The following FNDC3B variants were observed in gnomAD, a reference collection of about 807,000 sequenced individuals.
FNDC3B encodes fibronectin type III domain containing 3B.
FNDC3B carries 12 observed loss-of-function variants against 151.5 expected under a neutral mutation model. The ratio of observed to expected loss-of-function variants is 0.08; its 90% CI spans 0.05 to 0.13. The LOEUF (loss-of-function observed/expected upper bound fraction) is 0.13, where lower values mean the gene tolerates loss of function less well. Among genes scored for constraint, FNDC3B ranks in the 10% least tolerant of loss-of-function variants. FNDC3B has a pLI of 1.00. For synonymous variants in FNDC3B, 528 were observed against 549.0 expected (o/e 0.96, Z 0.54); for missense variants, 1,214 against 1,505.3 (o/e 0.81, Z 3.20).
chr3:172,143,378 C>G (rs1721726227), intron 3 of FNDC3B, among the ~76,000 whole-genome samples: 1 of 152,012 alleles, frequency 6.6e-6, no homozygotes, highest in African/African-American at 2.4e-5. Context: ...CTTTTAATAA[C>G]TTTATTTTGG....
intron 3 of FNDC3B, among the ~76,000 whole-genome samples, chr3:172,138,963 C>T (rs1448050754): frequency 6.6e-6 from 1 of 152,190 alleles, no homozygotes; most frequent in Admixed American, 6.5e-5. Flanking sequence ...CTCCCCCTGC[C>T]TCAGTGAGTG....
At chr3:172,357,805 G>A (rs1399645875) in intron 22 of FNDC3B, among the ~76,000 whole-genome samples, 1 of 151,826 alleles carries the variant, frequency 6.6e-6, no homozygotes, top group East Asian at 1.9e-4. Context: ...TGCATCAGCT[G>A]TACACGTAAA....
At chr3:172,206,782 C>A (rs768389560) in intron 3 of FNDC3B, among the ~76,000 whole-genome samples, 4 of 151,184 alleles carry the variant, frequency 2.6e-5, no homozygotes, top group Non-Finnish European at 5.9e-5. Context: ...TGTATAAACA[C>A]CGACTGACTG....
At chr3:172,267,877 G>C (rs1477878030) in intron 6 of FNDC3B, among the ~76,000 whole-genome samples, 4 of 152,184 alleles carry the variant, frequency 2.6e-5, no homozygotes, top group African/African-American at 9.7e-5. Flanking sequence ...TGTTATAATA[G>C]ATTGATTAGA....
At chr3:172,384,939 A>G (rs9870218) in intron 25 of FNDC3B, among the ~76,000 whole-genome samples, 22,212 of 152,234 alleles carry the variant, frequency 0.15, 2,566 homozygotes, top group East Asian at 0.61. Flanking sequence ...ACAGTACTGC[A>G]CGGCAGGCTC....
At chr3:172,143,170 G>A (rs1345750265) in intron 3 of FNDC3B, among the ~76,000 whole-genome samples, 1 of 152,048 alleles carries the variant, frequency 6.6e-6, no homozygotes, top group Non-Finnish European at 1.5e-5. Flanking sequence ...AATTCTCTTA[G>A]GTAATTTAGA....
intron 9 of FNDC3B, among the ~76,000 whole-genome samples, chr3:172,299,621 C>CTT (rs35874144): frequency 6.7e-6 from 1 of 149,470 alleles, no homozygotes; most frequent in African/African-American, 2.5e-5. Flanking sequence ...CATTGTTTCC[C>CTT]TTTTTTTTTT....
rs1185197330 is a variant in FNDC3B, at chr3:172,273,282, ACTTGCTT to A, written c.791-12640_791-12634del. The stretch of plus-strand genomic sequence containing the variant: ...GTAATTGCAACTAGACAATATAACT[ACTTGCTT>A]CTTAAAGAAATGCTTGATTCCATCA... On this transcript the variant is annotated intron_variant, in intron 6 of 25. Transcript: ENST00000415807. Among the ~76,000 whole-genome samples, 42 of 152,334 alleles carry A rather than the reference ACTTGCTT, an allele frequency of 2.8e-4. 1 individual carries two copies. The East Asian group carries it at 7.7e-3, about 28-fold the overall frequency.
intron 6 of FNDC3B, among the ~76,000 whole-genome samples, chr3:172,284,689 A>G (rs563670734): frequency 1.3e-5 from 2 of 149,752 alleles, no homozygotes; most frequent in South Asian, 4.3e-4. Flanking sequence ...TATTATACAC[A>G]GAGCTCAGCT....
intron 1 of FNDC3B, among the ~76,000 whole-genome samples, chr3:172,052,615 G>T (rs957409399): frequency 2.0e-5 from 3 of 152,172 alleles, no homozygotes; most frequent in Non-Finnish European, 4.4e-5. Flanking sequence ...GTTAAGAGAA[G>T]AATCTCCTGG....
rs1560044931 is a variant in FNDC3B, at chr3:172,261,353, TCTC to T, written c.790+9815_790+9817del. Among the ~76,000 whole-genome samples, 4 of 152,358 alleles carry T rather than the reference TCTC, an allele frequency of 2.6e-5. No individual in the cohort carries two copies. The South Asian group carries it at 8.3e-4, about 32-fold the overall frequency. ...TGTCAACATCGATTTTGTCATTGCT[TCTC>T]CTTCTGTGGAATGGAGCTCTAGGAT... On this transcript the variant is annotated intron_variant, in intron 6 of 25. Transcript: ENST00000415807.
chr3:172,122,127 G>A (rs1396641612), intron 2 of FNDC3B, among the ~76,000 whole-genome samples: 1 of 152,184 alleles, frequency 6.6e-6, no homozygotes, highest in Non-Finnish European at 1.5e-5. Context: ...TTTTCATGTA[G>A]GCAGACTCTT....
chr3:172,115,065 A>G (rs1720178006), intron 2 of FNDC3B, among the ~76,000 whole-genome samples: 1 of 152,216 alleles, frequency 6.6e-6, no homozygotes, highest in Non-Finnish European at 1.5e-5. Flanking sequence ...AAGATTTACC[A>G]TGCTTTGTCA....
chr3:172,285,361 G>A (rs568769490), intron 6 of FNDC3B, among the ~76,000 whole-genome samples: 3 of 152,260 alleles, frequency 2.0e-5, no homozygotes, highest in Non-Finnish European at 2.9e-5. Context: ...CCATATATCC[G>A]TTGTTCACAC....
At chr3:172,091,909 T>TGTGTGTGTGTGTGTGTGTGTGTGTGTG in intron 1 of FNDC3B, among the ~76,000 whole-genome samples, 1 of 148,406 alleles carries the variant, frequency 6.7e-6, no homozygotes, top group Non-Finnish European at 1.5e-5. Context: ...TGTGTGTGTG[T>TGTGTGTGTGTGTGTGTGTGTGTGTGTG]TAGGGAGGTG....
chr3:172,295,829 A>G (rs1338474329), intron 8 of FNDC3B, among the ~76,000 whole-genome samples: 5 of 152,310 alleles, frequency 3.3e-5, no homozygotes, highest in South Asian at 2.1e-4. Context: ...TTTTGCATAC[A>G]TTGGGCGATT....
At chr3:172,222,009 TA>T (rs780030197) in intron 3 of FNDC3B, among the ~76,000 whole-genome samples, 6 of 152,262 alleles carry the variant, frequency 3.9e-5, no homozygotes, top group Non-Finnish European at 5.9e-5. Flanking sequence ...TTTTATAGGA[TA>T]AATTAGATTT....
chr3:172,073,194 A>G (rs1269939335), intron 1 of FNDC3B, among the ~76,000 whole-genome samples: 11 of 152,120 alleles, frequency 7.2e-5, no homozygotes, highest in African/African-American at 2.4e-4. Context: ...GCCAGGTGCT[A>G]TTTCTCAGCT....
chr3:172,277,382 A>G (rs1576864994), intron 6 of FNDC3B, among the ~76,000 whole-genome samples: 3 of 152,316 alleles, frequency 2.0e-5, no homozygotes, highest in Admixed American at 2.0e-4. Context: ...TTCCTGATTT[A>G]TAGATGGCAC....
Sources: gnomAD v4.1 joint callset for allele counts (sites outside exome capture counted in the v4.1 genomes callset) on GRCh38, gnomAD v4.1.1 for gene constraint, MANE v1.5 for transcripts, NCBI Gene and HGNC (gene_info 2026-07-23, HGNC 2026-07-21) for gene names.